Variants in PRKDC observed in about 807,000 individuals in gnomAD.
PRKDC encodes DNA-dependent protein kinase catalytic subunit.
PRKDC carries 82 observed loss-of-function variants against 486.9 expected under a neutral mutation model. The ratio of observed to expected loss-of-function variants is 0.17; its 90% CI spans 0.14 to 0.20. The LOEUF is 0.20. PRKDC is among the 10% of genes least tolerant of loss of function. The probability of loss-of-function intolerance (pLI) is 1.00; values close to 1 mark genes in which losing one functional copy is unlikely to be tolerated. For synonymous variants in PRKDC, 1,895 were observed against 1,837.0 expected (o/e 1.03, Z -0.81); for missense variants, 4,504 against 5,038.2 (o/e 0.89, Z 3.21).
intron 55 of PRKDC, among the ~76,000 whole-genome samples, chr8:47,839,709 T>TA (rs948136686): frequency 1.4e-4 from 21 of 151,486 alleles, no homozygotes; most frequent in South Asian, 1.0e-3. Flanking sequence ...AATCATATGG[T>TA]AAAAAAAAAT....
intron 34 of PRKDC, among the ~76,000 whole-genome samples, chr8:47,888,025 G>GT (rs1387413831): frequency 7.3e-5 from 11 of 151,056 alleles, no homozygotes; most frequent in Admixed American, 1.3e-4. Flanking sequence ...CCTGGACAAT[G>GT]TTTTTTTTTG....
chr8:47,909,970 T>G (rs1435959835), intron 25 of PRKDC, among the ~76,000 whole-genome samples: 1 of 152,164 alleles, frequency 6.6e-6, no homozygotes, highest in Non-Finnish European at 1.5e-5. Context: ...TGACCTTTAT[T>G]GCCCTCTGAA....
intron 54 of PRKDC, among the ~76,000 whole-genome samples, chr8:47,846,662 A>T (rs1222029467): frequency 6.6e-6 from 1 of 152,162 alleles, no homozygotes; most frequent in Non-Finnish European, 1.5e-5. Context: ...CAGAACAATC[A>T]AGCAAGAGAA....
At chr8:47,847,839 T>C (rs1214367311) in intron 54 of PRKDC, among the ~76,000 whole-genome samples, 2 of 151,050 alleles carry the variant, frequency 1.3e-5, no homozygotes, top group Admixed American at 1.3e-4. Flanking sequence ...GCAAAAGACA[T>C]GGATACTTCT....
intron 48 of PRKDC, 102 bp downstream of exon 48, chr8:47,858,413 GT>G (rs370426679): frequency 3.4e-6 from 4 of 1,175,462 alleles, no homozygotes; most frequent in Non-Finnish European, 4.6e-6. Flanking sequence ...TTTTGTGTGT[GT>G]TTTTAAGTAT....
At chr8:47,859,515 G>A (rs1342371247) in intron 46 of PRKDC, 96 bp downstream of exon 46, 2 of 1,395,686 alleles carry the variant, frequency 1.4e-6, no homozygotes, top group Non-Finnish European at 2.0e-6. Context: ...TCAATGGACA[G>A]AGAACTGGCT....
chr8:47,878,409 T>C (rs2089136853), intron 39 of PRKDC, among the ~76,000 whole-genome samples: 1 of 152,136 alleles, frequency 6.6e-6, no homozygotes, highest in South Asian at 2.1e-4. Context: ...CTAGCCCCTA[T>C]TCTTTTTAGG....
rs148243044 is a variant in PRKDC, at chr8:47,878,771, C to A, written c.5235+720G>T. Among the ~76,000 whole-genome samples the A allele has an allele frequency of 3.6e-4, 55 of 152,340 alleles. 1 individual carries two copies. The East Asian group carries it at 0.01, about 28-fold the overall frequency. On this transcript the variant is annotated intron_variant, in intron 39 of 85. Transcript: ENST00000314191. ...TCATGGACATAATACCTTCTTTCAT[C>A]TCTGAAACTGTTGTGTGCAGTTTCC...
intron 40 of PRKDC, among the ~76,000 whole-genome samples, chr8:47,867,010 T>C (rs935020176): frequency 6.6e-6 from 1 of 152,172 alleles, no homozygotes; most frequent in African/African-American, 2.4e-5. Context: ...AGCACTGGGA[T>C]TACAGGTGTA....
intron 52 of PRKDC, among the ~76,000 whole-genome samples, chr8:47,852,079 G>A (rs1255666577): frequency 6.6e-6 from 1 of 152,220 alleles, no homozygotes; most frequent in Admixed American, 6.5e-5. Context: ...TTACACCACT[G>A]CACTCCAGCC....
chr8:47,807,424 T>C (rs1038245835), intron 68 of PRKDC, 98 bp from the exon 69 acceptor site: 16 of 1,137,354 alleles, frequency 1.4e-5, no homozygotes, highest in Middle Eastern at 6.3e-4. Flanking sequence ...TAAATGTTTG[T>C]TCTTTTTTTT....
chr8:47,932,040 G>A (rs942097625), intron 16 of PRKDC, among the ~76,000 whole-genome samples: 3 of 151,734 alleles, frequency 2.0e-5, no homozygotes, highest in Non-Finnish European at 4.4e-5. Context: ...ACAGGTGCCC[G>A]CCACCACGCC....
At position 47,943,376 on chromosome 8, in the gene PRKDC, C is replaced by A; in HGVS notation, c.809-10G>T. 6.3e-7 allele frequency: 1 copy of A among 1,589,938 alleles called. No homozygotes were observed. The highest frequency in any genetic ancestry group is 8.5e-7 in the Non-Finnish European group (1 of 1,170,182). On this transcript the variant is annotated splice_polypyrimidine_tract_variant and intron_variant, in intron 9 of 85. Transcript: ENST00000314191. ...AATAGGCGCAAGCCAGCTGCAAATG[C>A]AAATGCCATTATATTTAAAATCAGA...
At position 47,893,290 on chromosome 8, in the gene PRKDC, G is replaced by T; in HGVS notation, c.3696C>A (p.Pro1232=). 5 of 1,610,388 alleles carry T rather than the reference G, an allele frequency of 3.1e-6. No individual in the cohort carries two copies. The highest frequency in any genetic ancestry group is 4.2e-6 in the Non-Finnish European group (5 of 1,177,720). Residue 1232 remains proline, a synonymous_variant, in exon 31 of 86, where the codon CCC becomes CCA. Coordinates refer to ENST00000314191, the MANE Select transcript of PRKDC (RefSeq NM_006904.7). The stretch of plus-strand genomic sequence containing the variant: ...GGGTGGGCTGGGCCAGGATGCCCGA[G>T]GGCTGGCCACAGCCACCCCCCTCAA... ...NTFEGGGCGQ[P]SGILAQPTLL...
At chr8:47,883,518 C>T (rs534078727) in intron 36 of PRKDC, among the ~76,000 whole-genome samples, 30 of 152,302 alleles carry the variant, frequency 2.0e-4, no homozygotes, top group South Asian at 1.9e-3. Flanking sequence ...CTGACCCCTG[C>T]CCTCCGGAGC....
chr8:47,930,562 G>A (rs1055948044), intron 17 of PRKDC, 110 bp downstream of exon 17: 11 of 1,161,004 alleles, frequency 9.5e-6, no homozygotes, highest in East Asian at 2.6e-5. Context: ...GTGAGCCACC[G>A]AACCCGGCCT....
At chr8:47,921,266 A>G (rs975731613) in intron 21 of PRKDC, among the ~76,000 whole-genome samples, 3 of 150,964 alleles carry the variant, frequency 2.0e-5, no homozygotes, top group Non-Finnish European at 4.4e-5. Context: ...AAAAAAAAAG[A>G]AAAAAAAATG....
intron 40 of PRKDC, among the ~76,000 whole-genome samples, chr8:47,866,255 C>T (rs558447480): frequency 5.9e-5 from 9 of 151,824 alleles, no homozygotes; most frequent in Non-Finnish European, 1.3e-4. Context: ...AGCAGGCAAG[C>T]GGGCTGTCAT....
chr8:47,849,332 G>C (rs1220889577), intron 53 of PRKDC, 29 bp from the exon 54 acceptor site: 1 of 1,613,736 alleles, frequency 6.2e-7, no homozygotes, highest in African/African-American at 1.3e-5. Context: ...GGTGAGAGGA[G>C]GGCCGAGGAC....
Sources: gnomAD v4.1 joint callset for allele counts (sites outside exome capture counted in the v4.1 genomes callset) on GRCh38, gnomAD v4.1.1 for gene constraint, MANE v1.5 for transcripts, NCBI Gene and HGNC (gene_info 2026-07-23, HGNC 2026-07-21) for gene names.